The following ABCC11 variants were observed in gnomAD, a reference collection of about 807,000 sequenced individuals.
ABCC11 encodes the protein ATP-binding cassette sub-family C member 11.
In ABCC11, 135 loss-of-function variants were observed where a neutral mutation model predicts 149.3. The observed-to-expected ratio is 0.90, with a 90% CI of 0.79 to 1.04. The LOEUF (loss-of-function observed/expected upper bound fraction) is 1.04. Among genes scored for constraint, ABCC11 ranks in the 50% least tolerant of loss-of-function variants. The probability of loss-of-function intolerance (pLI) is 0.00; values close to 1 mark genes in which losing one functional copy is unlikely to be tolerated. For synonymous variants in ABCC11, 665 were observed against 671.4 expected (o/e 0.99, Z 0.15); for missense variants, 1,680 against 1,722.1 (o/e 0.98, Z 0.43).
chr16:48,212,678 C>A (rs975701905), intron 10 of ABCC11, among the ~76,000 whole-genome samples: 4 of 152,150 alleles, frequency 2.6e-5, no homozygotes, highest in African/African-American at 9.7e-5. Flanking sequence ...ACAGCAGGGA[C>A]CCCTGTTCAA....
intron 26 of ABCC11, among the ~76,000 whole-genome samples, chr16:48,174,276 T>C (rs950982700): frequency 1.3e-5 from 2 of 152,198 alleles, no homozygotes; most frequent in African/African-American, 4.8e-5. Context: ...CCTAGCACAG[T>C]GTCCAGACCA....
Position 48,175,258 on chromosome 16 carries a change from C to G in ABCC11, c.3698G>C (p.Arg1233Thr), listed in dbSNP as rs1038251980. The G allele has an allele frequency of 1.2e-6, 2 of 1,608,426 alleles. No individual in the cohort carries two copies. The highest frequency in any genetic ancestry group is 2.7e-5 in the African/African-American group (2 of 74,862). The change falls in exon 26 of 30, where the codon AGA becomes ACA. Residue 1233 changes from arginine to threonine, a missense_variant and splice_region_variant. Physicochemically the swap from Arg to Thr is moderately conservative, Grantham distance 71. Transcript: ENST00000356608. ...GGCTGCCTGCTGGCCCGGCACTCAC[C>G]TGATGGTTCCTGAGAGCAGCACTGG... ...QDPVLLSGTI[R>T]FNLDPFDRHT... is the part of the protein sequence containing the mutation.
At chr16:48,246,817 C>T (rs987376372) in intron 1 of ABCC11, among the ~76,000 whole-genome samples, 2 of 152,006 alleles carry the variant, frequency 1.3e-5, no homozygotes, top group African/African-American at 4.8e-5. Flanking sequence ...TCAAGCTATC[C>T]CCTGCTTTGG....
Position 48,167,054 on chromosome 16 carries a change from C to A in ABCC11, c.*220G>T, listed in dbSNP as rs1965372414. 1.8e-6 allele frequency: 1 copy of A among 548,292 alleles called. No homozygotes were observed. The allele number at this position is 548,292 out of a possible 1,614,324, so 34.0% of individuals were successfully genotyped here. A position where few individuals can be genotyped will look rare whatever the true frequency, so the allele number is the denominator to read the frequency against. ...AGGAGAACCACATGATCACTGAATC[C>A]CATGTCTTAGATGGTTCTGGGGTTC... On this transcript the variant is annotated 3_prime_UTR_variant, in exon 30 of 30. Coordinates refer to ENST00000356608, the MANE Select transcript of ABCC11 (RefSeq NM_001370497.1).
chr16:48,189,807 G>C (rs1966855980), intron 20 of ABCC11, among the ~76,000 whole-genome samples: 1 of 152,102 alleles, frequency 6.6e-6, no homozygotes, highest in Non-Finnish European at 1.5e-5. Context: ...TGAGAGGTGG[G>C]GAAAAGCTTT....
At chr16:48,200,641 A>G (rs77029609) in intron 14 of ABCC11, among the ~76,000 whole-genome samples, 162 bp from the exon 15 acceptor site, 4,054 of 152,298 alleles carry the variant, frequency 0.027, 56 homozygotes, top group Non-Finnish European at 0.045. Flanking sequence ...TTAAAAATAC[A>G]TATATATCTC....
intron 5 of ABCC11, 144 bp downstream of exon 5, chr16:48,224,137 TC>T (rs1176220511): frequency 2.5e-5 from 27 of 1,100,998 alleles, no homozygotes; most frequent in Middle Eastern, 6.2e-4. Flanking sequence ...TGCTCTACTG[TC>T]CTCAAAAGGT....
At chr16:48,226,741 A>T (rs117801280) in intron 4 of ABCC11, among the ~76,000 whole-genome samples, 2,583 of 152,304 alleles carry the variant, frequency 0.017, 48 homozygotes, top group Non-Finnish European at 0.022. Context: ...AATGGGTCAA[A>T]GTTTACCCAG....
intron 1 of ABCC11, chr16:48,244,392 TC>T (rs1404586461): frequency 6.5e-7 from 1 of 1,547,320 alleles, no homozygotes; most frequent in Non-Finnish European, 8.7e-7. Context: ...TGCCAGCATG[TC>T]ATCAGTGAGC....
In ABCC11 at chr16:48,226,072, C is replaced by CATTATTATTATTATTATTATTATTATT. The variant is rs141311389; in HGVS notation, c.396-1644_396-1643insAATAATAATAATAATAATAATAATAAT. Among the ~76,000 whole-genome samples the CATTATTATTATTATTATTATTATTATT allele has an allele frequency of 2.5e-3, 382 of 150,204 alleles. 3 individuals carry two copies. The highest frequency in any genetic ancestry group is 8.5e-3 in the African/African-American group (344 of 40,626). On this transcript the variant is annotated intron_variant, in intron 4 of 29. Coordinates refer to ENST00000356608, the MANE Select transcript of ABCC11 (RefSeq NM_001370497.1). ...TAAGCATCAAGTGTGTTTCCAGGTA[C>CATTATTATTATTATTATTATTATTATT]ATTATTATTATTATTATTATTTGAA...
At position 48,211,033 on chromosome 16, in the gene ABCC11, G is replaced by A. The variant is rs762043436; in HGVS notation, c.1523C>T (p.Thr508Ile). The change falls in exon 11 of 30, where the codon ACC becomes ATC. Residue 508 changes from threonine to isoleucine, a missense_variant. Physicochemically the swap from Thr to Ile is moderately conservative, Grantham distance 89 (BLOSUM62 -1). Coordinates refer to ENST00000356608, the MANE Select transcript of ABCC11 (RefSeq NM_001370497.1). ...TGGCCCGAGGGCATCTCTAGGCCTG[G>A]TCATCCCCTCAGAAGCATGCCCGTT... is the stretch of plus-strand genomic sequence containing the variant. Reference protein sequence around the residue: ...ERNGHASEGMTRPRDALGPEE... With the variant: ...ERNGHASEGMIRPRDALGPEE... 1 of 1,614,184 alleles carries A rather than the reference G, an allele frequency of 6.2e-7. No individual in the cohort carries two copies. The highest frequency in any genetic ancestry group is 8.5e-7 in the Non-Finnish European group (1 of 1,180,036).
chr16:48,176,789 G>T, intron 25 of ABCC11, 135 bp downstream of exon 25: 3 of 1,082,476 alleles, frequency 2.8e-6, no homozygotes, highest in South Asian at 1.7e-5. Flanking sequence ...TGTTTGTCTA[G>T]CACAGGGCCC....
intron 26 of ABCC11, among the ~76,000 whole-genome samples, chr16:48,175,024 T>G (rs1965956134): frequency 1.3e-5 from 2 of 152,240 alleles, no homozygotes; most frequent in African/African-American, 4.8e-5. Flanking sequence ...TAAAAATATG[T>G]TTTGTTTTTG....
chr16:48,247,394 C>CACAG lies in ABCC11; in HGVS notation c.-100_-99insCTGT, dbSNP rs1567304239. 6.7e-6 allele frequency: 1 copy of CACAG among 149,978 alleles called. No individual in the cohort carries two copies. Among genetic ancestry groups the CACAG allele is most frequent in the African/African-American group, 2.5e-5 (1 of 40,200 alleles). The allele number at this position is 149,978 out of a possible 1,614,324, so 9.3% of individuals were successfully genotyped here. ...TGTTTCCTTTGCGCTATCCAGGTGA[C>CACAG]GCTGGCACAGCCTTCAAAGAGCAGC... On this transcript the variant is annotated 5_prime_UTR_variant, in exon 1 of 30. Transcript: ENST00000356608.
intron 1 of ABCC11, chr16:48,232,150 G>C (rs1430283651): frequency 2.4e-6 from 3 of 1,233,676 alleles, no homozygotes; most frequent in Non-Finnish European, 2.1e-6. Context: ...AAATCACTTA[G>C]TGAAACCTTC....
chr16:48,168,909 A>C (rs1965511441), intron 28 of ABCC11, among the ~76,000 whole-genome samples: 1 of 152,170 alleles, frequency 6.6e-6, no homozygotes, highest in Non-Finnish European at 1.5e-5. Context: ...GGGCAAGGAA[A>C]GGGAGAGCAT....
At chr16:48,215,506 G>T (rs1969270688) in intron 7 of ABCC11, among the ~76,000 whole-genome samples, 162 bp from the exon 8 acceptor site, 1 of 152,142 alleles carries the variant, frequency 6.6e-6, no homozygotes, top group African/African-American at 2.4e-5. Context: ...GCATCCCAGG[G>T]GCCTTTCTTT....
intron 20 of ABCC11, among the ~76,000 whole-genome samples, chr16:48,188,017 T>C (rs1042222642): frequency 1.3e-5 from 2 of 152,186 alleles, no homozygotes; most frequent in African/African-American, 4.8e-5. Flanking sequence ...ACCGCCTCTT[T>C]CTGGGTCATC....
At position 48,186,965 on chromosome 16, in the gene ABCC11, T is replaced by G; in HGVS notation, c.3059A>C (p.Asp1020Ala). Residue 1020 changes from aspartate (D) to alanine (A), a missense_variant, in exon 22 of 30, where the codon GAC becomes GCC. By Grantham distance (126) the Asp-to-Ala change is moderately radical. Transcript: ENST00000356608. ...SSIHVYGKTE[D>A]FISQFKRLTD... ...CAGAAGGACTCACTGGCTGATGAAG[T>G]CTTCAGTTTTTCCATAGACATGGAT... 6.2e-7 allele frequency: 1 copy of G among 1,614,116 alleles called. No individual in the cohort carries two copies. Among genetic ancestry groups the G allele is most frequent in the Non-Finnish European group, 8.5e-7 (1 of 1,180,018 alleles).
Sources: gnomAD v4.1 joint callset for allele counts (sites outside exome capture counted in the v4.1 genomes callset) on GRCh38, gnomAD v4.1.1 for gene constraint, MANE v1.5 for transcripts, NCBI Gene and HGNC (gene_info 2026-07-23, HGNC 2026-07-21) for gene names.